Variants in TENT4B observed in about 807,000 individuals in gnomAD.
TENT4B encodes PAP associated domain containing 5.
A neutral mutation model predicts 75.0 loss-of-function variants in TENT4B; 10 were observed. That is an observed-to-expected ratio of 0.13 (90% CI 0.08 to 0.23). The LOEUF (loss-of-function observed/expected upper bound fraction) is 0.23. Ranked by LOEUF, TENT4B falls within the 10% of genes least tolerant of loss-of-function variation. The pLI, the probability that TENT4B is intolerant of heterozygous loss-of-function variation, is 1.00. For synonymous variants in TENT4B, 350 were observed against 357.7 expected, an observed-to-expected ratio of 0.98 and a Z score of 0.24; for missense variants, 579 against 893.8, an observed-to-expected ratio of 0.65 and a Z score of 4.49.
At chr16:50,152,951 C>G (rs527544581), upstream of TENT4B, 1 of 1,506,950 alleles carries the variant, frequency 6.6e-7, no homozygotes, top group Admixed American at 2.1e-5. Flanking sequence ...GCGGCAACCT[C>G]CATGCGGCCT....
rs769596616 is a variant in TENT4B at position 50,228,019 on chromosome 16, G to A, written c.1965+16G>A. The A allele has an allele frequency of 1.2e-6, 2 of 1,607,738 alleles. No individual in the cohort carries two copies. The highest frequency in any genetic ancestry group is 1.7e-6 in the Non-Finnish European group (2 of 1,176,086). On this transcript the variant is annotated intron_variant, in intron 11 of 11. Transcript: ENST00000561678. ...CAAATCTCAGGTGTGTGGAACGTGG[G>A]TTTTTAATTGTTAGTATTTGATACA... is the stretch of plus-strand genomic sequence containing the variant.
chr16:50,171,129 C>T (rs546754922), intron 1 of TENT4B, among the ~76,000 whole-genome samples: 1 of 152,206 alleles, frequency 6.6e-6, no homozygotes, highest in Non-Finnish European at 1.5e-5. Context: ...TCACTCTGTG[C>T]CAGGCTCATG....
intron 1 of TENT4B, among the ~76,000 whole-genome samples, chr16:50,183,892 A>G (rs1056524537): frequency 1.2e-4 from 18 of 152,166 alleles, no homozygotes; most frequent in African/African-American, 4.1e-4. Flanking sequence ...TAAAAATACA[A>G]AATTAGCCAG....
At chr16:50,216,322 G>A (rs11859225) in intron 4 of TENT4B, 127 bp downstream of exon 4, 54,975 of 1,247,138 alleles carry the variant, frequency 0.044, 2,376 homozygotes, top group African/African-American at 0.21. Flanking sequence ...TAATGTCACC[G>A]TGCTTGCACA....
intron 1 of TENT4B, among the ~76,000 whole-genome samples, chr16:50,197,881 A>G (rs975022990): frequency 1.3e-5 from 2 of 152,142 alleles, no homozygotes; most frequent in Admixed American, 6.5e-5. Context: ...TTTTGGTTAT[A>G]GTTCATTATG....
At position 50,222,350 on chromosome 16, in the gene TENT4B, C is replaced by T; in HGVS notation, c.1083C>T (p.Phe361=). The part of the protein sequence containing the change: ...LPYLVLVLKQ[F]LLQRDLNEVF... ...ACTTGGTTTTAGTATTGAAACAATT[C>T]CTATTGCAGAGGGACCTTAATGAAG... The change falls in exon 6 of 12, where the codon TTC becomes TTT. Residue 361 remains phenylalanine, a synonymous_variant. Transcript: ENST00000561678. 6.2e-7 allele frequency: 1 copy of T among 1,609,784 alleles called. No individual in the cohort carries two copies. Among genetic ancestry groups the T allele is most frequent in the Non-Finnish European group, 8.5e-7 (1 of 1,177,554 alleles).
At chr16:50,177,200 A>G (rs1180825722) in intron 1 of TENT4B, among the ~76,000 whole-genome samples, 1 of 151,768 alleles carries the variant, frequency 6.6e-6, no homozygotes, top group Non-Finnish European at 1.5e-5. Flanking sequence ...ATGGGGTTTC[A>G]CTATGTGGGC....
At chr16:50,166,155 T>C (rs2038096031) in intron 1 of TENT4B, among the ~76,000 whole-genome samples, 2 of 150,966 alleles carry the variant, frequency 1.3e-5, no homozygotes, top group Non-Finnish European at 2.9e-5. Flanking sequence ...TGATCTTGGC[T>C]CACTGCAACC....
chr16:50,231,144 A>G lies in TENT4B; in HGVS notation c.*1816A>G, dbSNP rs891308822. ...AAATGTGTTCCAAAACTGGAAACTC[A>G]TAGTACTCGTGTAAACTGTGGAAGA... is the stretch of plus-strand genomic sequence containing the variant. On this transcript the variant is annotated 3_prime_UTR_variant, in exon 12 of 12. Coordinates refer to ENST00000561678, the MANE Select transcript of TENT4B (RefSeq NM_001365324.3). 7.1e-6 allele frequency: 7 copies of G among 985,472 alleles called. No individual in the cohort carries two copies. The highest frequency in any genetic ancestry group is 7.2e-6 in the Non-Finnish European group (6 of 829,694). The allele number at this position is 985,472 out of a possible 1,614,324, so 61.0% of individuals were successfully genotyped here.
chr16:50,227,609 A>C (rs186050077), intron 10 of TENT4B, among the ~76,000 whole-genome samples: 2 of 151,856 alleles, frequency 1.3e-5, no homozygotes, highest in African/African-American at 4.8e-5. Context: ...CTTCAAGGTC[A>C]GATGTGGGCA....
chr16:50,227,910 G>A lies in TENT4B; in HGVS notation c.1872G>A (p.Gly624=). The change falls in exon 11 of 12, where the codon GGG becomes GGA. Residue 624 remains glycine (G), a synonymous_variant. Coordinates refer to ENST00000561678, the MANE Select transcript of TENT4B (RefSeq NM_001365324.3). ...LCRPSTGNRV[G]SQDVSLESSQ... The stretch of plus-strand genomic sequence containing the variant: ...GTCCGTCCACTGGGAACCGAGTAGG[G>A]TCGCAAGATGTATCCTTGGAGTCCT... 1.2e-6 allele frequency: 2 copies of A among 1,614,008 alleles called. No homozygotes were observed. The highest frequency in any genetic ancestry group is 1.7e-6 in the Non-Finnish European group (2 of 1,179,894).
intron 5 of TENT4B, among the ~76,000 whole-genome samples, chr16:50,220,146 G>A (rs1002774828): frequency 2.4e-4 from 37 of 151,842 alleles, no homozygotes; most frequent in African/African-American, 8.7e-4. Context: ...ACACCACCAC[G>A]CTCAGCTAAT....
chr16:50,231,763 A>C lies in TENT4B; in HGVS notation c.*2435A>C. The C allele has an allele frequency of 2.0e-6, 2 of 985,826 alleles. No homozygotes were observed. Among genetic ancestry groups the C allele is most frequent in the South Asian group, 9.4e-5 (2 of 21,292 alleles). The allele number at this position is 985,826 out of a possible 1,614,324, so 61.1% of individuals were successfully genotyped here. On this transcript the variant is annotated 3_prime_UTR_variant, in exon 12 of 12. Transcript: ENST00000561678. Reference sequence around the variant, plus strand: ...AGCATTGTATTCGTGAATACTGTGTATCTTGCAGTGAACAGTGTGGAAGCT... The same window carrying C: ...AGCATTGTATTCGTGAATACTGTGTCTCTTGCAGTGAACAGTGTGGAAGCT...
At position 50,234,584 on chromosome 16, in the gene TENT4B, C is replaced by G; in HGVS notation, c.*5256C>G. ...TTGTTTTGTCCCTGAACTTAATCTC[C>G]TAATTTTAAGATCCTCTCTGATTTT... On this transcript the variant is annotated 3_prime_UTR_variant, in exon 12 of 12. Transcript: ENST00000561678. 1 of 983,326 alleles carries G rather than the reference C, an allele frequency of 1.0e-6. No individual in the cohort carries two copies. The highest frequency in any genetic ancestry group is 1.2e-6 in the Non-Finnish European group (1 of 828,068). The allele number at this position is 983,326 out of a possible 1,614,324, so 60.9% of individuals were successfully genotyped here. A position where few individuals can be genotyped will look rare whatever the true frequency, so the allele number is the denominator to read the frequency against.
intron 1 of TENT4B, among the ~76,000 whole-genome samples, chr16:50,159,478 G>C (rs778291791): frequency 6.6e-6 from 1 of 152,026 alleles, no homozygotes. Flanking sequence ...AACATCAGGT[G>C]ATCTACCTGC....
chr16:50,206,460 G>T (rs1194572797), intron 1 of TENT4B, among the ~76,000 whole-genome samples: 10 of 148,296 alleles, frequency 6.7e-5, no homozygotes, highest in African/African-American at 2.5e-4. Flanking sequence ...AACTTTGTCA[G>T]TTCCTTCATG....
chr16:50,160,600 AACAGAATTTAAG>A (rs1371731224), intron 1 of TENT4B, among the ~76,000 whole-genome samples: 1 of 152,202 alleles, frequency 6.6e-6, no homozygotes, highest in African/African-American at 2.4e-5. Context: ...GGTCCATGGG[AACAGAATTTAAG>A]GGCTCCGTTG....
Position 50,153,728 on chromosome 16 carries a change from A to G in TENT4B, c.107A>G (p.Asn36Ser). 4.8e-6 allele frequency: 5 copies of G among 1,039,982 alleles called. No individual in the cohort carries two copies. The highest frequency in any genetic ancestry group is 5.8e-6 in the Non-Finnish European group (5 of 869,512). 64.4% of individuals were successfully genotyped at this position (1,039,982 alleles called of 1,614,324 possible). Residue 36 changes from asparagine (N) to serine (S), a missense_variant, in exon 1 of 12, where the codon AAC (asparagine) becomes AGC (serine). Physicochemically the swap from Asn to Ser is conservative, Grantham distance 46. Around this residue, in one of 7 missense-constraint regions of TENT4B, gnomAD observed 253 missense variants for 270.1 expected, o/e 0.94. Transcript: ENST00000561678. ...TTQGLRNLYF[N>S]HHCHSSGGAS... ...CAGGGGCTGAGGAACCTCTACTTCA[A>G]CCACCACTGTCACAGCAGCGGCGGC...
At chr16:50,220,380 A>G (rs905559779) in intron 5 of TENT4B, among the ~76,000 whole-genome samples, 32 of 150,106 alleles carry the variant, frequency 2.1e-4, no homozygotes, top group Non-Finnish European at 3.7e-4. Flanking sequence ...AGGTCTTGCT[A>G]TGTTGCCCAA....
Sources: allele counts gnomAD v4.1 joint callset (sites outside exome capture counted in the v4.1 genomes callset), GRCh38; gene constraint gnomAD v4.1.1; regional missense constraint gnomAD v4.1.1; transcripts MANE v1.5; gene names NCBI Gene and HGNC (gene_info 2026-07-23, HGNC 2026-07-21).